SFMBT1: variants seen among roughly 807,000 people sequenced by gnomAD.
The protein encoded by SFMBT1 is scm-like with four MBT domains protein 1.
In SFMBT1, 32 loss-of-function variants were observed where a neutral mutation model predicts 108.7. The observed-to-expected ratio is 0.29, with a 90% CI of 0.22 to 0.40. SFMBT1 has a LOEUF of 0.40. Among genes scored for constraint, SFMBT1 ranks in the 10% least tolerant of loss-of-function variants. The pLI is 1.00. For missense variants in SFMBT1, 816 were observed against 1,059.6 expected (o/e 0.77, Z 3.19); for synonymous variants, 348 against 369.5 (o/e 0.94, Z 0.67).
intron 1 of SFMBT1, among the ~76,000 whole-genome samples, 154 bp downstream of exon 1, chr3:53,045,662 C>T (rs1463977066): frequency 1.2e-4 from 17 of 139,434 alleles, no homozygotes; most frequent in Admixed American, 4.9e-4. Flanking sequence ...GTTGGCGCCT[C>T]AGCCCGCGCG....
At chr3:53,003,759 C>CAAAAAAAA (rs370165165) in intron 1 of SFMBT1, among the ~76,000 whole-genome samples, 1 of 81,948 alleles carries the variant, frequency 1.2e-5, no homozygotes. Context: ...ATAGAAAGGT[C>CAAAAAAAA]AAAAAAAAAA....
intron 1 of SFMBT1, among the ~76,000 whole-genome samples, chr3:53,024,503 G>A (rs1699419641): frequency 6.7e-6 from 1 of 150,338 alleles, no homozygotes; most frequent in Non-Finnish European, 1.5e-5. Context: ...AAAGGCTTTA[G>A]CCACTGCAGT....
chr3:52,978,832 T>C (rs1404476985), intron 1 of SFMBT1, among the ~76,000 whole-genome samples: 5 of 152,248 alleles, frequency 3.3e-5, no homozygotes, highest in East Asian at 1.9e-4. Context: ...CTTGAAAATA[T>C]TGTACATGAG....
At chr3:53,038,499 C>G (rs1461810340) in intron 1 of SFMBT1, among the ~76,000 whole-genome samples, 2 of 152,122 alleles carry the variant, frequency 1.3e-5, no homozygotes, top group Non-Finnish European at 2.9e-5. Context: ...GGCCTCCCCC[C>G]GGTAACAAAC....
rs189977570 is a variant in SFMBT1, at chr3:52,908,056, A to C, written c.1907-323T>G. Among the ~76,000 whole-genome samples the C allele has an allele frequency of 1.2e-4, 18 of 147,572 alleles. No homozygotes were observed. The East Asian group carries it at 1.8e-3, about 15-fold the overall frequency. On this transcript the variant is annotated intron_variant, in intron 17 of 20. Coordinates refer to ENST00000394752, the MANE Select transcript of SFMBT1 (RefSeq NM_016329.4). The stretch of plus-strand genomic sequence containing the variant: ...GCCTCTATGGAACCACACAGTAAGC[A>C]CTTTTTTGTGTGTGACTTTTTTTTT...
chr3:52,928,663 TAC>T (rs200120392), intron 8 of SFMBT1, among the ~76,000 whole-genome samples: 125 of 32,766 alleles, frequency 3.8e-3, no homozygotes, highest in East Asian at 6.1e-3. Context: ...TACACATATA[TAC>T]ATATATACAC....
chr3:53,005,007 G>A (rs1698690157), intron 1 of SFMBT1, among the ~76,000 whole-genome samples: 1 of 152,142 alleles, frequency 6.6e-6, no homozygotes, highest in Non-Finnish European at 1.5e-5. Context: ...TTCTTCCAGT[G>A]TAAATTCAGT....
intron 1 of SFMBT1, among the ~76,000 whole-genome samples, chr3:53,023,464 C>G (rs1699380810): frequency 6.6e-6 from 1 of 152,206 alleles, no homozygotes; most frequent in African/African-American, 2.4e-5. Flanking sequence ...TGGCACAACC[C>G]AAACTACTCA....
intron 1 of SFMBT1, among the ~76,000 whole-genome samples, chr3:53,029,934 C>T (rs1188833811): frequency 2.6e-5 from 4 of 150,952 alleles, no homozygotes; most frequent in African/African-American, 9.8e-5. Flanking sequence ...TCTACCCCCA[C>T]AAATACACTA....
chr3:52,905,567 T>C (rs533229133), intron 20 of SFMBT1, among the ~76,000 whole-genome samples: 1 of 152,362 alleles, frequency 6.6e-6, no homozygotes, highest in African/African-American at 2.4e-5. Context: ...ACTAGCCCTG[T>C]AACTGGCAAC....
chr3:53,001,925 T>TCTCACTCACACACA (rs1448849638), intron 1 of SFMBT1, among the ~76,000 whole-genome samples: 6 of 129,132 alleles, frequency 4.6e-5, no homozygotes, highest in African/African-American at 1.7e-4. Flanking sequence ...ACCCAGTCTC[T>TCTCACTCACACACA]CACACACACA....
chr3:52,912,386 A>T (rs548557359), intron 16 of SFMBT1, 152 bp downstream of exon 16: 1 of 537,196 alleles, frequency 1.9e-6, no homozygotes, highest in Admixed American at 2.9e-5. Context: ...CATCATGTTG[A>T]CCAGGCTGGT....
chr3:52,974,833 TAAAAAAAAAAAAA>T (rs10646648), intron 1 of SFMBT1, among the ~76,000 whole-genome samples: 3 of 90,712 alleles, frequency 3.3e-5, no homozygotes, highest in Non-Finnish European at 4.5e-5. Context: ...CTATAAAAAG[TAAAAAAAAAAAAA>T]AAAAAAAAAA....
chr3:52,953,773 G>A (rs573988047), intron 3 of SFMBT1, among the ~76,000 whole-genome samples: 1 of 152,242 alleles, frequency 6.6e-6, no homozygotes, highest in East Asian at 1.9e-4. Context: ...TTCATAAATG[G>A]TCAAAAAGAT....
intron 17 of SFMBT1, among the ~76,000 whole-genome samples, chr3:52,909,136 C>G (rs948520847): frequency 6.6e-6 from 1 of 152,158 alleles, no homozygotes; most frequent in Non-Finnish European, 1.5e-5. Flanking sequence ...CATTTGACAT[C>G]ATTCAAATTA....
In SFMBT1 at chr3:52,904,611, T is replaced by C; in HGVS notation, c.*525A>G. On this transcript the variant is annotated 3_prime_UTR_variant, in exon 21 of 21. Transcript: ENST00000394752. ...CATTCAAAACCCTAGAGCCACATAA[T>C]CATCCCCAAAATGAACTGTTTTAAT... 1 of 152,672 alleles carries C rather than the reference T, an allele frequency of 6.5e-6. No homozygotes were observed. The highest frequency in any genetic ancestry group is 1.9e-4 in the East Asian group (1 of 5,196). The allele number at this position is 152,672 out of a possible 1,614,324, so 9.5% of individuals were successfully genotyped here.
chr3:53,024,804 C>T (rs1350830572), intron 1 of SFMBT1, among the ~76,000 whole-genome samples: 2 of 152,056 alleles, frequency 1.3e-5, no homozygotes, highest in Admixed American at 1.3e-4. Context: ...GGGACTCCTA[C>T]CAGGTGTAAG....
intron 1 of SFMBT1, among the ~76,000 whole-genome samples, chr3:53,028,067 C>A (rs1445359307): frequency 6.6e-6 from 1 of 152,202 alleles, no homozygotes; most frequent in Non-Finnish European, 1.5e-5. Flanking sequence ...TAATTGCCTG[C>A]TGACGTCTAC....
rs570948645 is a variant in SFMBT1 at position 52,950,146 on chromosome 3, T to C, written c.123+4171A>G. 2.0e-5 allele frequency among the ~76,000 whole-genome samples: 3 copies of C among 152,154 alleles called. No homozygotes were observed. The South Asian group carries it at 6.4e-4, about 33-fold the overall frequency. On this transcript the variant is annotated intron_variant, in intron 3 of 20. Coordinates refer to ENST00000394752, the MANE Select transcript of SFMBT1 (RefSeq NM_016329.4). The stretch of plus-strand genomic sequence containing the variant: ...ATATCTACCATATATGTTAGTGTTT[T>C]CTATTTGTTGCCTTCTTCTTTGTTT...
Sources: allele counts gnomAD v4.1 joint callset (sites outside exome capture counted in the v4.1 genomes callset), GRCh38; gene constraint gnomAD v4.1.1; transcripts MANE v1.5; gene names NCBI Gene and HGNC (gene_info 2026-07-23, HGNC 2026-07-21).